Variants in RBFOX3 observed in about 807,000 individuals in gnomAD.
RBFOX3 encodes RNA binding fox-1 homolog 3.
In RBFOX3, 17 loss-of-function variants were observed where a neutral mutation model predicts 48.7. The observed-to-expected ratio is 0.35, with a 90% CI of 0.24 to 0.52. The LOEUF (loss-of-function observed/expected upper bound fraction) is 0.52. RBFOX3 is among the 20% of genes least tolerant of loss of function. The pLI is 0.94. For synonymous variants in RBFOX3, 212 were observed against 209.5 expected (o/e 1.01, Z -0.10); for missense variants, 382 against 497.5 (o/e 0.77, Z 2.21).
chr17:79,185,114 A>G (rs541268287), intron 4 of RBFOX3, among the ~76,000 whole-genome samples: 1 of 151,678 alleles, frequency 6.6e-6, no homozygotes, highest in African/African-American at 2.4e-5. Flanking sequence ...TTCTTCGTAG[A>G]GGAGCTGGGA....
At chr17:79,153,789 G>A (rs535698174) in intron 4 of RBFOX3, among the ~76,000 whole-genome samples, 10 of 152,118 alleles carry the variant, frequency 6.6e-5, no homozygotes, top group Middle Eastern at 3.2e-3. Context: ...CTTTCTACCC[G>A]GCTGGGACCA....
intron 4 of RBFOX3, among the ~76,000 whole-genome samples, chr17:79,190,432 C>CAAAAAAACTATAACAAA (rs758526092): frequency 0.1 from 11,440 of 114,196 alleles, 684 homozygotes; most frequent in Middle Eastern, 0.22. Flanking sequence ...AAAAAAAAAA[C>CAAAAAAACTATAACAAA]AAAAAAACAG....
At chr17:79,289,166 T>C (rs1008439477) in intron 3 of RBFOX3, among the ~76,000 whole-genome samples, 5 of 152,140 alleles carry the variant, frequency 3.3e-5, no homozygotes, top group African/African-American at 1.2e-4. Flanking sequence ...ACACCAGGCC[T>C]CTCCAATACG....
At chr17:79,628,640 C>G in the RBFOX3 span, among the ~76,000 whole-genome samples, 1 of 152,158 alleles carries the variant, frequency 6.6e-6, no homozygotes, top group Non-Finnish European at 1.5e-5. Flanking sequence ...TAGCCAGCAC[C>G]TCTATCTTGC....
chr17:79,515,500 C>T (rs1599016317), intron 1 of RBFOX3, among the ~76,000 whole-genome samples: 1 of 152,220 alleles, frequency 6.6e-6, no homozygotes, highest in South Asian at 2.1e-4. Flanking sequence ...GAACCGCAAT[C>T]GGAGAAGAGC....
chr17:79,170,746 G>A (rs544666776), intron 4 of RBFOX3, among the ~76,000 whole-genome samples: 1 of 151,962 alleles, frequency 6.6e-6, no homozygotes, highest in Non-Finnish European at 1.5e-5. Flanking sequence ...TTCCTTACTT[G>A]TAAATCTGAT....
At chr17:79,610,222 C>T (rs1368947459) in intron 1 of RBFOX3, among the ~76,000 whole-genome samples, 1 of 152,080 alleles carries the variant, frequency 6.6e-6, no homozygotes, top group African/African-American at 2.4e-5. Flanking sequence ...TTTGGGTCAT[C>T]AACCTCTCAG....
chr17:79,162,722 A>G (rs557542883), intron 4 of RBFOX3, among the ~76,000 whole-genome samples: 2 of 152,312 alleles, frequency 1.3e-5, no homozygotes, highest in Admixed American at 1.3e-4. Context: ...CTGTGCTAAC[A>G]AAGCCCTCGG....
At chr17:79,461,442 C>T (rs1598794805) in intron 2 of RBFOX3, among the ~76,000 whole-genome samples, 1 of 152,210 alleles carries the variant, frequency 6.6e-6, no homozygotes, top group East Asian at 1.9e-4. Context: ...ATTGCATCTC[C>T]AACCATTTCC....
chr17:79,635,985 G>A, the RBFOX3 span, among the ~76,000 whole-genome samples: 2 of 152,124 alleles, frequency 1.3e-5, no homozygotes, highest in South Asian at 2.1e-4. Context: ...ATAAACCCAC[G>A]TGGAAGACCT....
chr17:79,297,651 G>A (rs1342573368), intron 3 of RBFOX3, among the ~76,000 whole-genome samples: 1 of 152,252 alleles, frequency 6.6e-6, no homozygotes, highest in Non-Finnish European at 1.5e-5. Flanking sequence ...CCAGGGAGAT[G>A]GGGGTCAGGC....
At chr17:79,268,715 T>TGACTTCCCACACCTTCACCCGCTCCCC (rs2067165692) in intron 3 of RBFOX3, among the ~76,000 whole-genome samples, 1 of 152,166 alleles carries the variant, frequency 6.6e-6, no homozygotes, top group African/African-American at 2.4e-5. Context: ...TCCCGCTCCC[T>TGACTTCCCACACCTTCACCCGCTCCCC]GACTTCCCAC....
chr17:79,483,397 C>T (rs1287488641), intron 1 of RBFOX3, among the ~76,000 whole-genome samples: 21 of 149,476 alleles, frequency 1.4e-4, no homozygotes, highest in African/African-American at 5.2e-4. Context: ...CACACCTTTG[C>T]AGGTCTACTG....
At chr17:79,387,790 A>G (rs1484863665) in intron 2 of RBFOX3, among the ~76,000 whole-genome samples, 1 of 152,226 alleles carries the variant, frequency 6.6e-6, no homozygotes, top group Admixed American at 6.5e-5. Context: ...TTGGAGTTCA[A>G]GGGAAGAGCC....
At chr17:79,463,085 T>A (rs1348511540) in intron 2 of RBFOX3, among the ~76,000 whole-genome samples, 56 of 52,866 alleles carry the variant, frequency 1.1e-3, no homozygotes, top group African/African-American at 2.3e-3. Flanking sequence ...CTCCACCGAC[T>A]TTGCCACTGC....
intron 2 of RBFOX3, among the ~76,000 whole-genome samples, chr17:79,316,038 C>T (rs1020870186): frequency 6.6e-6 from 1 of 152,180 alleles, no homozygotes; most frequent in African/African-American, 2.4e-5. Context: ...ATCTGTGCCC[C>T]CTGCTGCTGG....
chr17:79,308,840 C>T (rs370190124), intron 2 of RBFOX3, among the ~76,000 whole-genome samples: 1 of 151,850 alleles, frequency 6.6e-6, no homozygotes, highest in Non-Finnish European at 1.5e-5. Context: ...TTTGTTGGAC[C>T]GGGTGTGGTG....
chr17:79,614,509 G>A (rs1215673545), upstream of RBFOX3, among the ~76,000 whole-genome samples: 2 of 152,174 alleles, frequency 1.3e-5, no homozygotes, highest in Non-Finnish European at 2.9e-5. Context: ...AGCCAAGGAT[G>A]ACCAGACACC....
intron 1 of RBFOX3, among the ~76,000 whole-genome samples, chr17:79,492,493 C>A (rs1429135062): frequency 6.6e-6 from 1 of 152,250 alleles, no homozygotes; most frequent in African/African-American, 2.4e-5. Flanking sequence ...TGGAGAGGAA[C>A]TGGGGCCACA....
Sources: gnomAD v4.1 joint callset for allele counts (sites outside exome capture counted in the v4.1 genomes callset) on GRCh38, gnomAD v4.1.1 for gene constraint, MANE v1.5 for transcripts, NCBI Gene and HGNC (gene_info 2026-07-23, HGNC 2026-07-21) for gene names.